NTM: variants seen among roughly 807,000 people sequenced by gnomAD.
NTM encodes the protein neurotrimin, also known as IgLON family member 2.
Under a neutral mutation model 42.1 loss-of-function variants are expected in NTM, and 13 were observed. That is an observed-to-expected ratio of 0.31 (90% CI 0.20 to 0.49). NTM has a LOEUF of 0.49. Among genes scored for constraint, NTM ranks in the 20% least tolerant of loss-of-function variants. NTM has a pLI of 0.99. For missense variants in NTM, 373 were observed against 452.8 expected (o/e 0.82, Z 1.60); for synonymous variants, 187 against 179.2 (o/e 1.04, Z -0.35).
intron 1 of NTM, among the ~76,000 whole-genome samples, chr11:131,641,858 C>T (rs1428448886): frequency 6.6e-6 from 1 of 151,892 alleles, no homozygotes; most frequent in Non-Finnish European, 1.5e-5. Flanking sequence ...TCCCCAGTAG[C>T]TGGGACTACG....
rs1196884541 is a variant in NTM, at chr11:131,598,689, TTC to T, written c.82+227803_82+227804del. On this transcript the variant is annotated intron_variant, in intron 1 of 8. Transcript: ENST00000683400. The stretch of plus-strand genomic sequence containing the variant: ...ACTACTCTCTTCTCATTTGTTTTCT[TTC>T]TTTCTTTCTTTCTTTCTTTCTTTCT... 3.3e-3 allele frequency among the ~76,000 whole-genome samples: 138 copies of T among 41,308 alleles called. 6 individuals carry two copies. The highest frequency in any genetic ancestry group is 9.8e-3 in the African/African-American group (136 of 13,808). 27.1% of individuals were successfully genotyped at this position (41,308 alleles called of 152,430 possible).
At chr11:132,259,263 C>T (rs1423127406) in intron 4 of NTM, among the ~76,000 whole-genome samples, 1 of 151,692 alleles carries the variant, frequency 6.6e-6, no homozygotes, top group Non-Finnish European at 1.5e-5. Context: ...AATTCCAATG[C>T]ATAAATTTAA....
intron 7 of NTM, among the ~76,000 whole-genome samples, chr11:132,318,111 C>T (rs150109573): frequency 1.7e-3 from 257 of 152,276 alleles, no homozygotes; most frequent in South Asian, 4.4e-3. Flanking sequence ...TCAAACGCAT[C>T]AACTGGCTCA....
intron 2 of NTM, among the ~76,000 whole-genome samples, chr11:132,088,326 T>C (rs1399585219): frequency 6.6e-6 from 1 of 152,048 alleles, no homozygotes; most frequent in Non-Finnish European, 1.5e-5. Context: ...GGGAAAGATA[T>C]TTTTGGGTTC....
Position 132,063,600 on chromosome 11 carries a change from C to T in NTM, c.168-82682C>T, listed in dbSNP as rs569430622. 5.3e-5 allele frequency among the ~76,000 whole-genome samples: 8 copies of T among 152,328 alleles called. No individual in the cohort carries two copies. The South Asian group carries it at 6.2e-4, about 12-fold the overall frequency. ...TGGAATCGTGTGTCTCCCCACCCTCCGGTGCCCTAATTGTGCAGTTATTTC... is the reference window on the plus strand; with the variant it reads ...TGGAATCGTGTGTCTCCCCACCCTCTGGTGCCCTAATTGTGCAGTTATTTC... On this transcript the variant is annotated intron_variant, in intron 2 of 8. Transcript: ENST00000683400.
chr11:132,096,155 T>C (rs1405304579), intron 2 of NTM, among the ~76,000 whole-genome samples: 1 of 152,182 alleles, frequency 6.6e-6, no homozygotes, highest in Non-Finnish European at 1.5e-5. Flanking sequence ...CTCCCCATAC[T>C]TTTTAGTCTT....
intron 1 of NTM, among the ~76,000 whole-genome samples, chr11:131,420,015 C>T (rs1245361760): frequency 1.3e-5 from 2 of 152,236 alleles, no homozygotes; most frequent in Non-Finnish European, 2.9e-5. Flanking sequence ...CACCAGGTAC[C>T]GTGTCCTCCT....
At chr11:132,150,084 A>G (rs2071511815) in intron 3 of NTM, among the ~76,000 whole-genome samples, 1 of 152,168 alleles carries the variant, frequency 6.6e-6, no homozygotes, top group African/African-American at 2.4e-5. Context: ...CAACATTTGC[A>G]TCTGGAGAGG....
chr11:131,927,283 C>T (rs2058067919), intron 2 of NTM, among the ~76,000 whole-genome samples: 1 of 152,188 alleles, frequency 6.6e-6, no homozygotes, highest in South Asian at 2.1e-4. Flanking sequence ...CATTTCCCTG[C>T]ACCTGGGGTT....
chr11:131,952,560 T>C (rs776243517), intron 2 of NTM, among the ~76,000 whole-genome samples: 2 of 152,206 alleles, frequency 1.3e-5, no homozygotes, highest in Non-Finnish European at 2.9e-5. Flanking sequence ...TTTTTCTGCA[T>C]GTAGTCAAAT....
At chr11:131,987,856 G>A (rs183107223) in intron 2 of NTM, among the ~76,000 whole-genome samples, 17 of 152,332 alleles carry the variant, frequency 1.1e-4, no homozygotes, top group African/African-American at 3.8e-4. Flanking sequence ...TAAATATTGA[G>A]CATGTGCTAT....
chr11:131,688,667 G>GGCC (rs1325240056), intron 1 of NTM, among the ~76,000 whole-genome samples: 1 of 152,214 alleles, frequency 6.6e-6, no homozygotes, highest in Non-Finnish European at 1.5e-5. Context: ...CAGGCAGCAG[G>GGCC]GCCCAGTTCA....
At position 132,309,993 on chromosome 11, in the gene NTM, G is replaced by A. The variant is rs912317494; in HGVS notation, c.662-119G>A. On this transcript the variant is annotated intron_variant, in intron 5 of 8. Coordinates refer to ENST00000683400, the MANE Select transcript of NTM (RefSeq NM_001352005.2). ...ATTGCTTGAACCCGGGAGGCAGAACGTGCAGTGAGCCAAGATCATGCCACT... is the reference window on the plus strand; with the variant it reads ...ATTGCTTGAACCCGGGAGGCAGAACATGCAGTGAGCCAAGATCATGCCACT... 22 of 1,243,162 alleles carry A rather than the reference G, an allele frequency of 1.8e-5. No homozygotes were observed. The East Asian group carries it at 2.0e-4, about 11-fold the overall frequency. 77.0% of individuals were successfully genotyped at this position (1,243,162 alleles called of 1,614,324 possible).
chr11:132,057,205 AAAG>A (rs2079836786), intron 2 of NTM, among the ~76,000 whole-genome samples: 1 of 152,244 alleles, frequency 6.6e-6, no homozygotes, highest in African/African-American at 2.4e-5. Context: ...AGAAAAAAGA[AAAG>A]AAAGAGAACA....
At chr11:131,936,565 A>G (rs2059239784) in intron 2 of NTM, among the ~76,000 whole-genome samples, 1 of 152,234 alleles carries the variant, frequency 6.6e-6, no homozygotes, top group South Asian at 2.1e-4. Context: ...TGATGGGTGC[A>G]TGAAAATCCT....
At chr11:131,920,430 A>C (rs745696686) in intron 2 of NTM, among the ~76,000 whole-genome samples, 4 of 152,238 alleles carry the variant, frequency 2.6e-5, no homozygotes, top group Non-Finnish European at 5.9e-5. Context: ...GGGCAACACC[A>C]GTGCATCTGG....
intron 2 of NTM, among the ~76,000 whole-genome samples, chr11:132,101,743 C>A (rs1278389207): frequency 6.6e-6 from 1 of 152,158 alleles, no homozygotes; most frequent in Non-Finnish European, 1.5e-5. Context: ...TAGGTATACA[C>A]CTCACTATCT....
intron 1 of NTM, among the ~76,000 whole-genome samples, chr11:131,386,745 G>A (rs1356434457): frequency 6.6e-6 from 1 of 152,236 alleles, no homozygotes; most frequent in African/African-American, 2.4e-5. Context: ...GGGAGAGACA[G>A]CTGATGAGTG....
At chr11:131,423,465 G>A (rs1947738635) in intron 1 of NTM, among the ~76,000 whole-genome samples, 1 of 152,178 alleles carries the variant, frequency 6.6e-6, no homozygotes, top group Non-Finnish European at 1.5e-5. Flanking sequence ...GAATAAGGCT[G>A]ATGTCGTTAA....
Sources: gnomAD v4.1 joint callset for allele counts (sites outside exome capture counted in the v4.1 genomes callset) on GRCh38, gnomAD v4.1.1 for gene constraint, MANE v1.5 for transcripts, NCBI Gene and HGNC (gene_info 2026-07-23, HGNC 2026-07-21) for gene names.